ARHGEF7: variants seen among roughly 807,000 people sequenced by gnomAD.
ARHGEF7 encodes Rho guanine nucleotide exchange factor 7.
A neutral mutation model predicts 109.8 loss-of-function variants in ARHGEF7; 33 were observed. The ratio of observed to expected loss-of-function variants is 0.30; its 90% CI spans 0.23 to 0.40. The LOEUF is 0.40. Among genes scored for constraint, ARHGEF7 ranks in the 10% least tolerant of loss-of-function variants. ARHGEF7 has a pLI of 1.00. For missense variants in ARHGEF7, 938 were observed against 1,098.5 expected, an observed-to-expected ratio of 0.85 and a Z score of 2.07; for synonymous variants, 458 against 424.6, an observed-to-expected ratio of 1.08 and a Z score of -0.97.
intron 2 of ARHGEF7, among the ~76,000 whole-genome samples, chr13:111,180,255 T>A (rs993172768): frequency 1.3e-5 from 2 of 152,214 alleles, no homozygotes; most frequent in African/African-American, 4.8e-5. Flanking sequence ...AACTTAGTCA[T>A]TTACTTCTGA....
At chr13:111,241,918 A>T (rs1014825451) in intron 6 of ARHGEF7, among the ~76,000 whole-genome samples, 2 of 152,208 alleles carry the variant, frequency 1.3e-5, no homozygotes, top group African/African-American at 4.8e-5. Flanking sequence ...ATTTAGCTCA[A>T]GATCTCATTA....
chr13:111,125,001 C>T (rs1183378873), intron 1 of ARHGEF7, among the ~76,000 whole-genome samples: 1 of 152,228 alleles, frequency 6.6e-6, no homozygotes, highest in Non-Finnish European at 1.5e-5. Context: ...CTCACGTGAT[C>T]TGCCTACCTC....
In ARHGEF7 at chr13:111,133,775, AT is replaced by A. The variant is rs1355610057; in HGVS notation, c.165+18085del. Among the ~76,000 whole-genome samples the A allele has an allele frequency of 5.5e-4, 10 of 18,144 alleles. No individual in the cohort carries two copies. The East Asian group carries it at 0.017, about 31-fold the overall frequency. 11.9% of individuals were successfully genotyped at this position (18,144 alleles called of 152,430 possible). ...AATCTGCTTTTCTTTATATATATAT[AT>A]ATATATATATATATATATATATATA... On this transcript the variant is annotated intron_variant, in intron 1 of 21. Transcript: ENST00000646102.
At chr13:111,190,322 T>C (rs1377166828) in intron 2 of ARHGEF7, among the ~76,000 whole-genome samples, 3 of 152,204 alleles carry the variant, frequency 2.0e-5, no homozygotes, top group African/African-American at 7.2e-5. Context: ...AAAGGCATTG[T>C]CTGACTTCAG....
intron 5 of ARHGEF7, among the ~76,000 whole-genome samples, chr13:111,226,184 A>T (rs12874510): frequency 1.3e-5 from 2 of 152,252 alleles, no homozygotes; most frequent in East Asian, 3.9e-4. Flanking sequence ...CTTCAATTCT[A>T]TGAAGACTGA....
intron 1 of ARHGEF7, among the ~76,000 whole-genome samples, chr13:111,116,012 G>GGGGGC (rs2066739662): frequency 6.6e-6 from 1 of 152,032 alleles, no homozygotes; most frequent in Non-Finnish European, 1.5e-5. Context: ...CCTCCGCGTG[G>GGGGGC]GGGGCCGGCC....
chr13:111,158,734 G>C (rs990509010), intron 2 of ARHGEF7, among the ~76,000 whole-genome samples: 3 of 151,950 alleles, frequency 2.0e-5, no homozygotes, highest in African/African-American at 7.3e-5. Flanking sequence ...CTTATATTTT[G>C]TTTTTAAATT....
intron 21 of ARHGEF7, among the ~76,000 whole-genome samples, chr13:111,302,463 C>T (rs943771020): frequency 8.5e-5 from 13 of 152,196 alleles, no homozygotes; most frequent in African/African-American, 2.7e-4. Context: ...CGCAGGTCTT[C>T]CAGGTACACC....
intron 15 of ARHGEF7, among the ~76,000 whole-genome samples, chr13:111,282,298 T>C (rs986301766): frequency 6.6e-6 from 1 of 152,244 alleles, no homozygotes. Context: ...TCCCATTAAA[T>C]GCACCTTACT....
At chr13:111,244,331 G>T in intron 8 of ARHGEF7, 37 bp downstream of exon 8, 2 of 1,186,694 alleles carry the variant, frequency 1.7e-6, no homozygotes, top group Middle Eastern at 1.9e-4. Context: ...CACTCAGGTT[G>T]GTATAATTGG....
chr13:111,222,092 A>G (rs1048913423), intron 5 of ARHGEF7, among the ~76,000 whole-genome samples: 2 of 152,108 alleles, frequency 1.3e-5, no homozygotes, highest in Non-Finnish European at 2.9e-5. Context: ...TTCCCAGTTC[A>G]CGGACTCAAA....
At chr13:111,139,720 A>T (rs1361383405) in intron 1 of ARHGEF7, among the ~76,000 whole-genome samples, 1 of 152,232 alleles carries the variant, frequency 6.6e-6, no homozygotes, top group Non-Finnish European at 1.5e-5. Flanking sequence ...CCTTAGTGAT[A>T]GGGAGGCAGG....
chr13:111,216,907 G>C (rs1319510530), intron 4 of ARHGEF7, among the ~76,000 whole-genome samples: 2 of 152,202 alleles, frequency 1.3e-5, no homozygotes, highest in Non-Finnish European at 2.9e-5. Flanking sequence ...TCCTCTTTCT[G>C]CCTTTCAGAA....
intron 8 of ARHGEF7, among the ~76,000 whole-genome samples, chr13:111,256,726 A>G (rs2090465936): frequency 6.6e-6 from 1 of 152,062 alleles, no homozygotes; most frequent in South Asian, 2.1e-4. Context: ...CCCCACCTTG[A>G]ATCATTTGCC....
chr13:111,181,265 G>A (rs531628998), intron 2 of ARHGEF7, among the ~76,000 whole-genome samples: 117 of 152,314 alleles, frequency 7.7e-4, no homozygotes, highest in African/African-American at 2.8e-3. Context: ...TTTGGAATTG[G>A]TAAATTTGTG....
intron 8 of ARHGEF7, among the ~76,000 whole-genome samples, chr13:111,259,142 G>A (rs1007956760): frequency 1.3e-5 from 2 of 152,158 alleles, no homozygotes; most frequent in African/African-American, 4.8e-5. Context: ...AGACCTGCCC[G>A]GAGCCAAGGA....
rs368869560 is a variant in ARHGEF7 at position 111,159,083 on chromosome 13, T to G, written c.252+5092T>G. The G allele has an allele frequency of 2.2e-4, 159 of 718,440 alleles. 1 individual carries two copies. In the African/African-American group the frequency reaches 2.6e-3, roughly 12 times the overall value. The allele number at this position is 718,440 out of a possible 1,614,324, so 44.5% of individuals were successfully genotyped here. Reference sequence around the variant, plus strand: ...ATCTGGTAACCACCATTCTCTTGTCTGCTTCTGTGAGTTCAGCTTTTTTAC... The same window carrying G: ...ATCTGGTAACCACCATTCTCTTGTCGGCTTCTGTGAGTTCAGCTTTTTTAC... On this transcript the variant is annotated intron_variant, in intron 2 of 21. Transcript: ENST00000646102.
At position 111,115,586 on chromosome 13, in the gene ARHGEF7, C is replaced by CA. The variant is rs754827718; in HGVS notation, c.67dup (p.Thr23AsnfsTer65). ...TCACTCTGGGGGTGCTGGAGTCGCC[C>CA]AAAAAAACCATCTCGGACCCGGAGG... On this transcript the variant is annotated frameshift_variant, in exon 1 of 22. Transcript: ENST00000646102. LOFTEE classifies it high-confidence loss of function. 33 of 1,427,028 alleles carry CA rather than the reference C, an allele frequency of 2.3e-5. No homozygotes were observed. Among genetic ancestry groups the CA allele is most frequent in the South Asian group, 4.0e-5 (3 of 74,854 alleles). 88.4% of individuals were successfully genotyped at this position (1,427,028 alleles called of 1,614,324 possible).
chr13:111,161,254 A>G (rs1220222388), intron 2 of ARHGEF7, among the ~76,000 whole-genome samples: 2 of 152,056 alleles, frequency 1.3e-5, no homozygotes, highest in African/African-American at 4.8e-5. Context: ...AGTAATTGTG[A>G]CTTTGATCTT....
Sources: gnomAD v4.1 joint callset for allele counts (sites outside exome capture counted in the v4.1 genomes callset) on GRCh38, gnomAD v4.1.1 for gene constraint, MANE v1.5 for transcripts, NCBI Gene and HGNC (gene_info 2026-07-23, HGNC 2026-07-21) for gene names.